The following MMS19 variants were observed in gnomAD, a reference collection of about 807,000 sequenced individuals.
MMS19 encodes MMS19 nucleotide excision repair protein homolog.
In MMS19, 77 loss-of-function variants were observed where a neutral mutation model predicts 129.8. The observed-to-expected ratio is 0.59, with a 90% CI of 0.49 to 0.72. The LOEUF is 0.72. Among genes scored for constraint, MMS19 ranks in the 30% least tolerant of loss-of-function variants. The pLI, the probability that MMS19 is intolerant of heterozygous loss-of-function variation, is 0.00. For missense variants in MMS19, 1,168 were observed against 1,266.3 expected (o/e 0.92, Z 1.18); for synonymous variants, 491 against 502.8 (o/e 0.98, Z 0.31).
chr10:97,497,369 T>G (rs2039992408), intron 1 of MMS19, among the ~76,000 whole-genome samples: 1 of 152,240 alleles, frequency 6.6e-6, no homozygotes, highest in Non-Finnish European at 1.5e-5. Context: ...TAAAGGTTAA[T>G]ACGCTCAATA....
At chr10:97,476,158 T>C (rs1435659410) in intron 8 of MMS19, among the ~76,000 whole-genome samples, 3 of 152,188 alleles carry the variant, frequency 2.0e-5, no homozygotes, top group Admixed American at 6.5e-5. Flanking sequence ...CCCAAGAGGG[T>C]CAGAGCAAAT....
At chr10:97,474,807 A>G (rs2035440629) in intron 8 of MMS19, among the ~76,000 whole-genome samples, 3 of 152,220 alleles carry the variant, frequency 2.0e-5, no homozygotes, top group Admixed American at 6.5e-5. Context: ...AACAGCTGTG[A>G]ACAGTGATTG....
intron 29 of MMS19, 57 bp downstream of exon 29, chr10:97,459,166 T>C: frequency 6.5e-7 from 1 of 1,545,126 alleles, no homozygotes; most frequent in Non-Finnish European, 8.8e-7. Context: ...GGCAAAAAGG[T>C]ACTTATGTGT....
chr10:97,466,299 G>T, intron 16 of MMS19, 140 bp from the exon 17 acceptor site: 2 of 779,496 alleles, frequency 2.6e-6, no homozygotes, highest in Non-Finnish European at 2.1e-6. Flanking sequence ...CTACACCACT[G>T]AGTTGGACAG....
rs1343210833 is a variant in MMS19, at chr10:97,476,708, C to T, written c.659G>A (p.Cys220Tyr). Reference protein sequence around the residue: ...FVEELFEVTSCYFPIDFTPPP... With the variant: ...FVEELFEVTSYYFPIDFTPPP... ...AGGGGTAAAATCGATAGGGAAATAACAGGATGTCACTTCAAACAACTCCTC... is the reference window on the plus strand; with the variant it reads ...AGGGGTAAAATCGATAGGGAAATAATAGGATGTCACTTCAAACAACTCCTC... The change falls in exon 8 of 31, where the codon TGT becomes TAT. Residue 220 changes from cysteine to tyrosine, a missense_variant. By Grantham distance (194) the Cys-to-Tyr change is radical. Transcript: ENST00000438925. The T allele has an allele frequency of 6.2e-7, 1 of 1,613,880 alleles. No homozygotes were observed. Among genetic ancestry groups the T allele is most frequent in the Admixed American group, 1.7e-5 (1 of 60,002 alleles).
chr10:97,470,640 C>A, intron 9 of MMS19, 135 bp downstream of exon 9: 1 of 601,142 alleles, frequency 1.7e-6, no homozygotes. Context: ...CTGAAGATAC[C>A]TGCCACACAA....
chr10:97,477,525 C>T, intron 5 of MMS19, 109 bp from the exon 6 acceptor site: 1 of 1,425,142 alleles, frequency 7.0e-7, no homozygotes, highest in Non-Finnish European at 9.8e-7. Flanking sequence ...TTTATACCAG[C>T]ATAAGATCAA....
intron 8 of MMS19, among the ~76,000 whole-genome samples, chr10:97,474,132 CAAAAAA>C (rs780173105): frequency 1.7e-5 from 1 of 57,234 alleles, no homozygotes; most frequent in Non-Finnish European, 3.6e-5. Context: ...CAGCCTGCCT[CAAAAAA>C]AAAAAAAAAA....
chr10:97,488,431 TTTATCCTCTAGCTATCTAG>T (rs1263930551), intron 1 of MMS19, among the ~76,000 whole-genome samples: 1 of 152,172 alleles, frequency 6.6e-6, no homozygotes. Context: ...AAGCTAGAAG[TTTATCCTCTAGCTATCTAG>T]TCATCTTTTG....
In MMS19 at chr10:97,458,391, A is replaced by T. The variant is rs2030442495; in HGVS notation, c.*301T>A. ...TGCCAGCCCTGGTCCTCAGGGCCAC[A>T]CTCATATGCACTCACCCCTCAGCAG... On this transcript the variant is annotated 3_prime_UTR_variant, in exon 31 of 31. Coordinates refer to ENST00000438925, the MANE Select transcript of MMS19 (RefSeq NM_022362.5). The T allele has an allele frequency of 6.1e-6, 2 of 329,378 alleles. No homozygotes were observed. Among genetic ancestry groups the T allele is most frequent in the African/African-American group, 4.3e-5 (2 of 46,922 alleles). 20.4% of individuals were successfully genotyped at this position (329,378 alleles called of 1,614,324 possible). A position where few individuals can be genotyped will look rare whatever the true frequency, so the allele number is the denominator to read the frequency against.
intron 25 of MMS19, 87 bp downstream of exon 25, chr10:97,460,608 G>A: frequency 9.1e-7 from 1 of 1,100,580 alleles, no homozygotes; most frequent in East Asian, 2.6e-5. Flanking sequence ...AAAACACACA[G>A]GGGAGGATGG....
intron 8 of MMS19, among the ~76,000 whole-genome samples, chr10:97,475,294 T>C (rs2035532731): frequency 6.6e-6 from 1 of 152,116 alleles, no homozygotes; most frequent in African/African-American, 2.4e-5. Context: ...TGCTTACATA[T>C]AGATGAAAAA....
chr10:97,466,072 C>T lies in MMS19; in HGVS notation c.1593G>A (p.Glu531=). The change falls in exon 17 of 31, where the codon GAG becomes GAA. Residue 531 remains glutamate, a synonymous_variant. Transcript: ENST00000438925. ...AGAGACACATACCTACACGCAGCTC[C>T]TCAGCGAGCTTGGGTACGAGGTGGC... ...FSSHLVPKLA[E]ELRVGESNLT... is the part of the protein sequence containing the mutation. 1.2e-6 allele frequency: 2 copies of T among 1,613,468 alleles called. No individual in the cohort carries two copies. The highest frequency in any genetic ancestry group is 2.2e-5 in the East Asian group (1 of 44,878).
At chr10:97,463,324 A>G (rs1239082393) in intron 19 of MMS19, among the ~76,000 whole-genome samples, 1 of 152,148 alleles carries the variant, frequency 6.6e-6, no homozygotes, top group African/African-American at 2.4e-5. Context: ...GGTGTGCACC[A>G]CTATGTCTGA....
intron 9 of MMS19, 68 bp from the exon 10 acceptor site, chr10:97,470,271 G>T: frequency 9.0e-7 from 1 of 1,106,816 alleles, no homozygotes. Flanking sequence ...GGTCAACCCT[G>T]TCCTTGCCAT....
chr10:97,475,706 C>T (rs1029608226), intron 8 of MMS19, among the ~76,000 whole-genome samples: 5 of 152,160 alleles, frequency 3.3e-5, no homozygotes, highest in Non-Finnish European at 5.9e-5. Flanking sequence ...CACTGCACTC[C>T]AGCCTGGGAG....
In MMS19 at chr10:97,463,907, C is replaced by T; in HGVS notation, c.1863G>A (p.Gln621=). ...QDPESCWYFH[Q]TAIPCLLALA... The stretch of plus-strand genomic sequence containing the variant: ...AGGCAAGCAGGCAAGGTATAGCTGT[C>T]TGGTGGAAATACCAGCAACTCTCAG... The change falls in exon 19 of 31, where the codon CAG becomes CAA. Residue 621 remains glutamine, a synonymous_variant. Coordinates refer to ENST00000438925, the MANE Select transcript of MMS19 (RefSeq NM_022362.5). 1.9e-6 allele frequency: 3 copies of T among 1,612,674 alleles called. No homozygotes were observed. The highest frequency in any genetic ancestry group is 2.5e-6 in the Non-Finnish European group (3 of 1,179,318).
At chr10:97,473,823 C>A (rs2035234677) in intron 8 of MMS19, among the ~76,000 whole-genome samples, 1 of 151,916 alleles carries the variant, frequency 6.6e-6, no homozygotes, top group African/African-American at 2.4e-5. Flanking sequence ...GACCATATGA[C>A]CCACAAAGCT....
intron 12 of MMS19, 80 bp from the exon 13 acceptor site, chr10:97,468,486 C>A: frequency 7.3e-7 from 1 of 1,375,338 alleles, no homozygotes; most frequent in South Asian, 1.5e-5. Context: ...AGGTTGGAGA[C>A]TGAGACCCAT....
Sources: gnomAD v4.1 joint callset for allele counts (sites outside exome capture counted in the v4.1 genomes callset) on GRCh38, gnomAD v4.1.1 for gene constraint, MANE v1.5 for transcripts, NCBI Gene and HGNC (gene_info 2026-07-23, HGNC 2026-07-21) for gene names.